The following OTOA variants were observed in gnomAD, a reference collection of about 807,000 sequenced individuals.
OTOA encodes the protein otoancorin.
In OTOA, 70 loss-of-function variants were observed where a neutral mutation model predicts 110.8. The ratio of observed to expected loss-of-function variants is 0.63; its 90% confidence interval spans 0.52 to 0.77. The LOEUF (loss-of-function observed/expected upper bound fraction) is 0.77, where lower values mean the gene tolerates loss of function less well. OTOA is among the 30% of genes least tolerant of loss of function. The pLI is 0.00. For missense variants in OTOA, 917 were observed against 1,075.8 expected (o/e 0.85, Z 2.06); for synonymous variants, 373 against 431.5 (o/e 0.86, Z 1.68).
intron 18 of OTOA, 98 bp from the exon 19 acceptor site, chr16:21,726,425 T>C: frequency 6.6e-7 from 1 of 1,519,494 alleles, no homozygotes; most frequent in Non-Finnish European, 9.1e-7. Context: ...ATTTAAAGAA[T>C]GTCTTTGGGA....
intron 13 of OTOA, among the ~76,000 whole-genome samples, chr16:21,711,744 G>A (rs1179646204): frequency 6.6e-6 from 1 of 152,140 alleles, no homozygotes; most frequent in African/African-American, 2.4e-5. Context: ...TGGGATTACA[G>A]GCATTAGCCA....
At position 21,691,584 on chromosome 16, in the gene OTOA, A is replaced by T. The variant is rs199709157; in HGVS notation, c.636A>T (p.Leu212=). 2 of 1,612,146 alleles carry T rather than the reference A, an allele frequency of 1.2e-6. No individual in the cohort carries two copies. The highest frequency in any genetic ancestry group is 2.2e-5 in the South Asian group (2 of 91,004). Residue 212 remains leucine (L), a splice_region_variant and synonymous_variant, in exon 9 of 29, where the codon CTA becomes CTT. Coordinates refer to ENST00000646100, the MANE Select transcript of OTOA (RefSeq NM_144672.4). ...TGATGCCTGTGTTTGTGTCATTTAGATCTGCAGTGTTCAAAGATCTCTACG... is the reference window on the plus strand; with the variant it reads ...TGATGCCTGTGTTTGTGTCATTTAGTTCTGCAGTGTTCAAAGATCTCTACG... ...RDLREDAFKN[L]SAVFKDLYDK... is the part of the protein sequence containing the mutation.
At chr16:21,678,415 T>C (rs1966866113) in intron 1 of OTOA, 96 bp from the exon 2 acceptor site, 3 of 761,712 alleles carry the variant, frequency 3.9e-6, no homozygotes, top group African/African-American at 1.8e-5. Flanking sequence ...TCCATATATA[T>C]ATATATGTTT....
Position 21,706,837 on chromosome 16 carries a change from T to A in OTOA, c.1104+1545T>A, listed in dbSNP as rs1280650166. Among the ~76,000 whole-genome samples the A allele has an allele frequency of 2.7e-5, 4 of 147,538 alleles. No homozygotes were observed. The East Asian group carries it at 6.0e-4, about 22-fold the overall frequency. The stretch of plus-strand genomic sequence containing the variant: ...GGTCAGCGCATCTTTTTTTTTTTTT[T>A]TATAAGATTCATTTTTTTTTTTTTT... On this transcript the variant is annotated intron_variant, in intron 12 of 28. Coordinates refer to ENST00000646100, the MANE Select transcript of OTOA (RefSeq NM_144672.4).
intron 13 of OTOA, among the ~76,000 whole-genome samples, chr16:21,712,988 G>A (rs1898407106): frequency 6.6e-6 from 1 of 152,060 alleles, no homozygotes; most frequent in African/African-American, 2.4e-5. Context: ...TTTTGAGACA[G>A]GTTCTCACTA....
At chr16:21,705,574 C>A (rs983659133) in intron 12 of OTOA, 10 of 442,756 alleles carry the variant, frequency 2.3e-5, no homozygotes, top group Admixed American at 2.1e-4. Flanking sequence ...CTTTGGGAGG[C>A]CAAGATGGGA....
Position 21,715,442 on chromosome 16 carries a change from TG to T in OTOA, c.1488+291del, listed in dbSNP as rs201522705. Among the ~76,000 whole-genome samples, 1,139 of 148,682 alleles carry T rather than the reference TG, an allele frequency of 7.7e-3. 34 individuals carry two copies. The highest frequency in any genetic ancestry group is 0.043 in the Admixed American group (640 of 14,954). On this transcript the variant is annotated intron_variant, in intron 14 of 28. Transcript: ENST00000646100. ...TCTTATAACACTTCAGGTTCAAGTT[TG>T]TTTTTTTTTTTTGAGACAGTCTTTC...
chr16:21,676,695 C>T (rs565639334), intron 1 of OTOA, among the ~76,000 whole-genome samples: 1 of 152,314 alleles, frequency 6.6e-6, no homozygotes, highest in South Asian at 2.1e-4. Context: ...CCAGAACTTT[C>T]TCTCTGTGCA....
chr16:21,684,392 T>C, intron 6 of OTOA: 4 of 1,468,658 alleles, frequency 2.7e-6, no homozygotes, highest in South Asian at 2.7e-5. Context: ...TGGCTTCTGC[T>C]CCTTGCCCTG....
At chr16:21,710,908 C>G (rs1898334387) in intron 13 of OTOA, among the ~76,000 whole-genome samples, 1 of 152,088 alleles carries the variant, frequency 6.6e-6, no homozygotes, top group Non-Finnish European at 1.5e-5. Context: ...GAGGCTGAGG[C>G]AGGAGGATGG....
chr16:21,731,251 C>A (rs1264307228), intron 21 of OTOA, among the ~76,000 whole-genome samples: 2 of 152,234 alleles, frequency 1.3e-5, no homozygotes, highest in East Asian at 3.8e-4. Context: ...GGCTGGTGCC[C>A]TATGCACATG....
intron 1 of OTOA, among the ~76,000 whole-genome samples, chr16:21,666,735 T>C (rs775772918): frequency 2.0e-5 from 3 of 152,060 alleles, no homozygotes; most frequent in Admixed American, 6.6e-5. Context: ...GTATGGCCCA[T>C]AGAGAAAGCT....
chr16:21,701,102 A>G, intron 11 of OTOA, 75 bp downstream of exon 11: 1 of 1,602,158 alleles, frequency 6.2e-7, no homozygotes. Context: ...CTGAGCAGCA[A>G]AACACCCAGG....
At chr16:21,672,949 A>G (rs1966851299) in intron 1 of OTOA, among the ~76,000 whole-genome samples, 1 of 152,106 alleles carries the variant, frequency 6.6e-6, no homozygotes, top group African/African-American at 2.4e-5. Flanking sequence ...GGAGTTTGAG[A>G]TCAGCCTGGG....
chr16:21,698,562 G>C (rs1326064824), intron 10 of OTOA, among the ~76,000 whole-genome samples: 2 of 151,996 alleles, frequency 1.3e-5, no homozygotes, highest in African/African-American at 4.8e-5. Flanking sequence ...TCTTTTTTAA[G>C]TCATATGTGC....
chr16:21,728,368 A>G lies in OTOA; in HGVS notation c.2144A>G (p.Asp715Gly). 2 of 1,614,078 alleles carry G rather than the reference A, an allele frequency of 1.2e-6. No individual in the cohort carries two copies. Among genetic ancestry groups the G allele is most frequent in the Non-Finnish European group, 1.7e-6 (2 of 1,179,996 alleles). ...AWATALHGLRDCPDLNPEQKA... is the reference protein window; with the variant it reads ...AWATALHGLRGCPDLNPEQKA... The stretch of plus-strand genomic sequence containing the variant: ...GCGACTGCTCTACACGGCCTCAGAG[A>G]CTGCCCAGACCTCAACCCTGAGCAA... The change falls in exon 20 of 29, where the codon GAC becomes GGC. Residue 715 changes from aspartate to glycine, a missense_variant. Physicochemically the swap from Asp to Gly is moderately conservative, Grantham distance 94 (BLOSUM62 -1). Transcript: ENST00000646100.
Position 21,730,156 on chromosome 16 carries a change from G to A in OTOA, c.2208-681G>A, listed in dbSNP as rs409473. 0.018 allele frequency: 2,666 copies of A among 147,604 alleles called. No individual in the cohort carries two copies. The East Asian group carries it at 0.23, about 13-fold the overall frequency. 9.1% of individuals were successfully genotyped at this position (147,604 alleles called of 1,614,324 possible). On this transcript the variant is annotated intron_variant, in intron 20 of 28. Transcript: ENST00000646100. ...TGGGCAGACCTCCTTTAGAGATGTC[G>A]CCAAAGATAGTGTAATGCTCTTCAC...
intron 11 of OTOA, among the ~76,000 whole-genome samples, chr16:21,701,931 C>T (rs1898061324): frequency 6.7e-6 from 1 of 149,144 alleles, no homozygotes; most frequent in Non-Finnish European, 1.5e-5. Flanking sequence ...GCCACCACGC[C>T]TGGCCCATTC....
intron 1 of OTOA, among the ~76,000 whole-genome samples, chr16:21,675,736 A>G (rs774129811): frequency 2.6e-5 from 4 of 151,780 alleles, no homozygotes; most frequent in Non-Finnish European, 4.4e-5. Flanking sequence ...CGCACCTACC[A>G]TGTCTCTCCC....
Sources: allele counts gnomAD v4.1 joint callset (sites outside exome capture counted in the v4.1 genomes callset), GRCh38; gene constraint gnomAD v4.1.1; transcripts MANE v1.5; gene names NCBI Gene and HGNC (gene_info 2026-07-23, HGNC 2026-07-21).